Variants in SEPTIN7 observed in about 807,000 individuals in gnomAD.
SEPTIN7 encodes septin 7.
A neutral mutation model predicts 63.3 loss-of-function variants in SEPTIN7; 10 were observed. That is an observed-to-expected ratio of 0.16 (90% CI 0.10 to 0.27). The LOEUF is 0.27. SEPTIN7 is among the 10% of genes least tolerant of loss of function. The pLI, the probability that SEPTIN7 is intolerant of heterozygous loss-of-function variation, is 1.00. For missense variants in SEPTIN7, 310 were observed against 521.0 expected (o/e 0.59, Z 3.94); for synonymous variants, 131 against 165.3 (o/e 0.79, Z 1.59).
chr7:35,822,646 C>A (rs1359339866), intron 1 of SEPTIN7, among the ~76,000 whole-genome samples: 1 of 152,170 alleles, frequency 6.6e-6, no homozygotes, highest in Non-Finnish European at 1.5e-5. Flanking sequence ...CAGTTCCTAA[C>A]AGGCCACAGA....
chr7:35,913,544 T>C, the SEPTIN7 span, among the ~76,000 whole-genome samples: 1 of 148,482 alleles, frequency 6.7e-6, no homozygotes, highest in Admixed American at 6.7e-5. Flanking sequence ...TCCTTCCTTC[T>C]TTCCTTCCTT....
At chr7:35,823,466 A>G (rs1362186667) in intron 1 of SEPTIN7, among the ~76,000 whole-genome samples, 5 of 152,148 alleles carry the variant, frequency 3.3e-5, no homozygotes, top group South Asian at 2.1e-4. Flanking sequence ...CTCCCAAAGT[A>G]CTGGGATTAC....
intron 3 of SEPTIN7, among the ~76,000 whole-genome samples, chr7:35,850,524 T>C (rs1274108055): frequency 6.6e-6 from 1 of 152,222 alleles, no homozygotes; most frequent in Non-Finnish European, 1.5e-5. Context: ...CTTTGCTTTC[T>C]TTTCTATACA....
At chr7:35,837,188 G>A (rs750285884) in intron 3 of SEPTIN7, among the ~76,000 whole-genome samples, 5 of 152,068 alleles carry the variant, frequency 3.3e-5, no homozygotes, top group Non-Finnish European at 7.4e-5. Context: ...ATGCAGAAAA[G>A]CAAAACGAAA....
intron 1 of SEPTIN7, among the ~76,000 whole-genome samples, chr7:35,811,809 G>T (rs1174447683): frequency 2.0e-5 from 3 of 152,162 alleles, no homozygotes; most frequent in African/African-American, 7.2e-5. Context: ...GGATCATGAG[G>T]TCAGGAGTTC....
At chr7:35,888,192 CTG>C (rs1562580191) in intron 10 of SEPTIN7, among the ~76,000 whole-genome samples, 3 of 152,038 alleles carry the variant, frequency 2.0e-5, no homozygotes, top group African/African-American at 7.2e-5. Context: ...ATTCCTGAAA[CTG>C]TGGGGAAACT....
intron 1 of SEPTIN7, among the ~76,000 whole-genome samples, chr7:35,813,104 C>G (rs531158939): frequency 6.6e-6 from 1 of 152,148 alleles, no homozygotes; most frequent in Admixed American, 6.5e-5. Flanking sequence ...GTGCCAAACC[C>G]TTTATGTTAA....
intron 6 of SEPTIN7, among the ~76,000 whole-genome samples, chr7:35,876,900 C>T (rs541754746): frequency 1.4e-4 from 21 of 151,978 alleles, no homozygotes; most frequent in African/African-American, 4.8e-4. Context: ...ACCCGGGAGG[C>T]GGAGATTGCA....
chr7:35,885,606 A>G (rs190705577), intron 9 of SEPTIN7, among the ~76,000 whole-genome samples: 19 of 152,184 alleles, frequency 1.2e-4, no homozygotes, highest in African/African-American at 4.3e-4. Flanking sequence ...TTAGGTTTAC[A>G]TATCTATTTC....
chr7:35,869,008 T>G (rs1785982896), intron 4 of SEPTIN7, among the ~76,000 whole-genome samples: 1 of 151,928 alleles, frequency 6.6e-6, no homozygotes, highest in Admixed American at 6.6e-5. Flanking sequence ...AAGGAGCACA[T>G]AAGAGGAATA....
chr7:35,857,557 G>A (rs1353951611), intron 3 of SEPTIN7, among the ~76,000 whole-genome samples: 1 of 152,180 alleles, frequency 6.6e-6, no homozygotes, highest in Non-Finnish European at 1.5e-5. Flanking sequence ...TAATTTCAGT[G>A]TTAAGTAGTC....
intron 1 of SEPTIN7, among the ~76,000 whole-genome samples, chr7:35,804,334 T>C (rs1788189363): frequency 6.6e-6 from 1 of 152,188 alleles, no homozygotes; most frequent in Admixed American, 6.5e-5. Flanking sequence ...TGTCTTCCTG[T>C]GTCCTTTTGC....
chr7:35,904,137 A>C, intron 13 of SEPTIN7, 117 bp from the exon 14 acceptor site: 1 of 621,600 alleles, frequency 1.6e-6, no homozygotes, highest in South Asian at 4.2e-5. Context: ...TTTTCAGTGA[A>C]AAAGTAGTAT....
At chr7:35,825,539 G>A (rs528674366) in intron 1 of SEPTIN7, among the ~76,000 whole-genome samples, 2 of 152,186 alleles carry the variant, frequency 1.3e-5, no homozygotes, top group Admixed American at 1.3e-4. Context: ...ACCCTTCCTT[G>A]TTTGCTCTTA....
chr7:35,838,238 T>A (rs1784180746), intron 3 of SEPTIN7, among the ~76,000 whole-genome samples: 7 of 6,604 alleles, frequency 1.1e-3, no homozygotes. Flanking sequence ...TTATCCAAAC[T>A]TCCTTCCTTC....
intron 3 of SEPTIN7, among the ~76,000 whole-genome samples, chr7:35,835,914 A>G (rs1328102492): frequency 6.6e-6 from 1 of 152,178 alleles, no homozygotes; most frequent in Non-Finnish European, 1.5e-5. Context: ...ACAGTTACCT[A>G]TTTTAGTGGA....
At position 35,873,773 on chromosome 7, in the gene SEPTIN7, T is replaced by C; in HGVS notation, c.510T>C (p.His170=). ...TATACTTCATTGCTCCTTCAGGACATGGGTCAGTACCTTGATACTTCTGAT... is the reference window on the plus strand; with the variant it reads ...TATACTTCATTGCTCCTTCAGGACACGGGTCAGTACCTTGATACTTCTGAT... ...CCLYFIAPSG[H]GLKPLDIEFM... is the part of the protein sequence containing the mutation. Residue 170 remains histidine (H), a splice_region_variant and synonymous_variant, in exon 6 of 14, where the codon CAT becomes CAC. Transcript: ENST00000350320. 1 of 1,610,064 alleles carries C rather than the reference T, an allele frequency of 6.2e-7. No individual in the cohort carries two copies. The highest frequency in any genetic ancestry group is 8.5e-7 in the Non-Finnish European group (1 of 1,178,598).
At chr7:35,817,424 C>G (rs1789141793) in intron 1 of SEPTIN7, among the ~76,000 whole-genome samples, 1 of 152,036 alleles carries the variant, frequency 6.6e-6, no homozygotes, top group Non-Finnish European at 1.5e-5. Context: ...ATGGCAGTAC[C>G]ACACTGTTTT....
chr7:35,865,568 A>G (rs1785766641), intron 4 of SEPTIN7, among the ~76,000 whole-genome samples: 2 of 151,968 alleles, frequency 1.3e-5, no homozygotes, highest in Non-Finnish European at 2.9e-5. Flanking sequence ...TTTTACTAAT[A>G]GGAACATTCT....
Sources: gnomAD v4.1 joint callset for allele counts (sites outside exome capture counted in the v4.1 genomes callset) on GRCh38, gnomAD v4.1.1 for gene constraint, MANE v1.5 for transcripts, NCBI Gene and HGNC (gene_info 2026-07-23, HGNC 2026-07-21) for gene names.